DTNB: variants seen among roughly 807,000 people sequenced by gnomAD.
DTNB encodes DTN-B.
A neutral mutation model predicts 90.7 loss-of-function variants in DTNB; 63 were observed. The observed-to-expected ratio is 0.69, with a 90% CI of 0.57 to 0.86. The LOEUF (loss-of-function observed/expected upper bound fraction) is 0.86. Ranked by LOEUF, DTNB falls within the 40% of genes least tolerant of loss-of-function variation. The probability of loss-of-function intolerance (pLI) is 0.00; values close to 1 mark genes in which losing one functional copy is unlikely to be tolerated. For missense variants in DTNB, 744 were observed against 807.1 expected, an observed-to-expected ratio of 0.92 and a Z score of 0.95; for synonymous variants, 277 against 286.7, an observed-to-expected ratio of 0.97 and a Z score of 0.34.
chr2:25,605,467 G>A (rs1016750475), intron 5 of DTNB, among the ~76,000 whole-genome samples: 1 of 152,176 alleles, frequency 6.6e-6, no homozygotes, highest in Non-Finnish European at 1.5e-5. Flanking sequence ...TCCAAACCGA[G>A]AACTAGAATT....
chr2:25,527,448 G>A (rs1445469607), intron 9 of DTNB, among the ~76,000 whole-genome samples: 1 of 152,034 alleles, frequency 6.6e-6, no homozygotes, highest in African/African-American at 2.4e-5. Flanking sequence ...ACTTGAACCC[G>A]GGAGGGGGAG....
At chr2:25,405,168 T>A (rs1376628774) in intron 16 of DTNB, among the ~76,000 whole-genome samples, 1 of 152,144 alleles carries the variant, frequency 6.6e-6, no homozygotes, top group East Asian at 1.9e-4. Flanking sequence ...GCTCAAGTGA[T>A]CCATCTGCCT....
chr2:25,386,705 G>C (rs2039564165), intron 18 of DTNB, among the ~76,000 whole-genome samples: 1 of 152,218 alleles, frequency 6.6e-6, no homozygotes, highest in African/African-American at 2.4e-5. Flanking sequence ...GAATTGGTGA[G>C]GTGATGGAGA....
intron 10 of DTNB, among the ~76,000 whole-genome samples, chr2:25,467,303 T>C (rs1015817478): frequency 5.4e-5 from 8 of 147,862 alleles, no homozygotes; most frequent in Non-Finnish European, 1.0e-4. Flanking sequence ...TTCTTTCTTT[T>C]TTTTTTTTTT....
intron 16 of DTNB, among the ~76,000 whole-genome samples, chr2:25,418,328 C>G (rs2048476421): frequency 6.6e-6 from 1 of 152,102 alleles, no homozygotes; most frequent in Admixed American, 6.5e-5. Flanking sequence ...TCTATGGTCC[C>G]ATTGCTCTCC....
chr2:25,513,130 T>C (rs1015634559), intron 9 of DTNB, among the ~76,000 whole-genome samples: 3 of 152,248 alleles, frequency 2.0e-5, no homozygotes, highest in African/African-American at 4.8e-5. Flanking sequence ...AAGTGGGCAA[T>C]GTGAAGACTT....
At chr2:25,516,468 G>T (rs984823371) in intron 9 of DTNB, among the ~76,000 whole-genome samples, 2 of 151,918 alleles carry the variant, frequency 1.3e-5, no homozygotes, top group African/African-American at 2.4e-5. Context: ...GCCCATGTTG[G>T]TCTCGAACTC....
chr2:25,561,168 C>T (rs1048255832), intron 8 of DTNB, among the ~76,000 whole-genome samples: 1 of 152,164 alleles, frequency 6.6e-6, no homozygotes, highest in African/African-American at 2.4e-5. Context: ...ATCTTGTCTC[C>T]CTCACGGCCT....
At chr2:25,556,409 A>T (rs2057366316) in intron 8 of DTNB, among the ~76,000 whole-genome samples, 2 of 152,140 alleles carry the variant, frequency 1.3e-5, no homozygotes, top group African/African-American at 4.8e-5. Context: ...AAAACTGAAT[A>T]TTATCAATCT....
At chr2:25,398,302 T>G (rs2042902295) in intron 16 of DTNB, among the ~76,000 whole-genome samples, 1 of 152,222 alleles carries the variant, frequency 6.6e-6, no homozygotes, top group South Asian at 2.1e-4. Flanking sequence ...GAAGTTGTGT[T>G]TGTTCAGAGC....
intron 1 of DTNB, among the ~76,000 whole-genome samples, chr2:25,664,651 T>C (rs1158764501): frequency 2.0e-5 from 3 of 152,214 alleles, no homozygotes; most frequent in Non-Finnish European, 4.4e-5. Flanking sequence ...GAGGATCATT[T>C]TACATACCTC....
At chr2:25,541,445 G>A (rs1220462206) in intron 8 of DTNB, among the ~76,000 whole-genome samples, 1 of 152,068 alleles carries the variant, frequency 6.6e-6, no homozygotes, top group Non-Finnish European at 1.5e-5. Flanking sequence ...TCACACCACC[G>A]CACTCCAGCC....
intron 19 of DTNB, among the ~76,000 whole-genome samples, chr2:25,381,698 T>A (rs1260622851): frequency 6.6e-6 from 1 of 152,234 alleles, no homozygotes; most frequent in African/African-American, 2.4e-5. Context: ...TTGGTGTCCG[T>A]GCCACATATG....
Position 25,620,077 on chromosome 2 carries a change from C to T in DTNB, c.362+8094G>A, listed in dbSNP as rs145275241. Among the ~76,000 whole-genome samples, 106 of 152,060 alleles carry T rather than the reference C, an allele frequency of 7.0e-4. 1 individual carries two copies. Among genetic ancestry groups the T allele is most frequent in the African/African-American group, 2.5e-3 (105 of 41,494 alleles). ...AAAAAAAAAATCTGGGTTGAATTCT[C>T]AGAAATAGAAAAGATTTGGACAGAA... is the stretch of plus-strand genomic sequence containing the variant. On this transcript the variant is annotated intron_variant, in intron 4 of 20. Coordinates refer to ENST00000406818, the MANE Select transcript of DTNB (RefSeq NM_021907.5).
intron 10 of DTNB, among the ~76,000 whole-genome samples, 165 bp from the exon 11 acceptor site, chr2:25,455,659 A>G (rs1281250152): frequency 6.6e-6 from 1 of 152,280 alleles, no homozygotes; most frequent in African/African-American, 2.4e-5. Context: ...ATATGGTGTT[A>G]GATCCTCAGG....
intron 9 of DTNB, among the ~76,000 whole-genome samples, chr2:25,502,212 CAAAACAA>C (rs966579169): frequency 6.6e-6 from 1 of 151,514 alleles, no homozygotes; most frequent in African/African-American, 2.4e-5. Context: ...ACAACAACAA[CAAAACAA>C]AAAACAAAAA....
chr2:25,408,538 CAAAAAAA>C (rs11395783), intron 16 of DTNB, among the ~76,000 whole-genome samples: 11 of 32,730 alleles, frequency 3.4e-4, no homozygotes, highest in Non-Finnish European at 6.4e-4. Flanking sequence ...GACTCCATCT[CAAAAAAA>C]AAAAAAAAAA....
rs114318023 is a variant in DTNB, at chr2:25,528,691, G to T, written c.1001+2782C>A. 4.7e-3 allele frequency among the ~76,000 whole-genome samples: 720 copies of T among 152,138 alleles called. 12 individuals carry two copies. The highest frequency in any genetic ancestry group is 1.9e-3 in the Non-Finnish European group (126 of 67,976). The stretch of plus-strand genomic sequence containing the variant: ...ATATTCCATTTGCATAACAGCATAC[G>T]CTTACCAAAACACATCGAATTGTAC... On this transcript the variant is annotated intron_variant, in intron 9 of 20. Coordinates refer to ENST00000406818, the MANE Select transcript of DTNB (RefSeq NM_021907.5).
chr2:25,420,766 A>G (rs566701612), intron 15 of DTNB, among the ~76,000 whole-genome samples: 1 of 152,282 alleles, frequency 6.6e-6, no homozygotes, highest in Non-Finnish European at 1.5e-5. Context: ...TACAGGTGTG[A>G]GCCACTGCAC....
Sources: allele counts gnomAD v4.1 joint callset (sites outside exome capture counted in the v4.1 genomes callset), GRCh38; gene constraint gnomAD v4.1.1; transcripts MANE v1.5; gene names NCBI Gene and HGNC (gene_info 2026-07-23, HGNC 2026-07-21).